THOC1: variants seen among roughly 807,000 people sequenced by gnomAD.
THOC1 encodes the protein THO complex subunit 1.
Under a neutral mutation model 97.3 loss-of-function variants are expected in THOC1, and 29 were observed. The observed-to-expected ratio is 0.30, with a 90% confidence interval of 0.22 to 0.41. The LOEUF is 0.41. THOC1 is among the 10% of genes least tolerant of loss of function. The probability of loss-of-function intolerance (pLI) is 1.00; values close to 1 mark genes in which losing one functional copy is unlikely to be tolerated. For missense variants in THOC1, 529 were observed against 761.9 expected, an observed-to-expected ratio of 0.69 and a Z score of 3.60; for synonymous variants, 255 against 257.0, an observed-to-expected ratio of 0.99 and a Z score of 0.07.
chr18:263,280 C>T (rs1002727984), intron 4 of THOC1, among the ~76,000 whole-genome samples: 1 of 151,840 alleles, frequency 6.6e-6, no homozygotes, highest in African/African-American at 2.4e-5. Flanking sequence ...GGGGTTTCAT[C>T]GTGTTAGCCA....
chr18:224,874 G>T, intron 15 of THOC1, 50 bp downstream of exon 15: 1 of 1,412,534 alleles, frequency 7.1e-7, no homozygotes, highest in Non-Finnish European at 9.8e-7. Flanking sequence ...AGCCTTTCTC[G>T]TCGTTCTTGT....
Position 221,765 on chromosome 18 carries a change from C to CA in THOC1, c.1370+1674dup, listed in dbSNP as rs1911094560. On this transcript the variant is annotated intron_variant, in intron 17 of 20. Transcript: ENST00000261600. ...CTGAGACTACAGGCGCCTGCCACCA[C>CA]ACTTGGCTAATTTTTTGTATTTTTA... Among the ~76,000 whole-genome samples, 12 of 152,188 alleles carry CA rather than the reference C, an allele frequency of 7.9e-5. 1 individual carries two copies. In the South Asian group the frequency reaches 2.5e-3, roughly 32 times the overall value.
chr18:236,671 A>C (rs1209912451), intron 11 of THOC1, among the ~76,000 whole-genome samples: 8 of 152,002 alleles, frequency 5.3e-5, no homozygotes, highest in Non-Finnish European at 1.2e-4. Context: ...CGAAAGAATA[A>C]GATTCTAAGA....
chr18:259,109 A>AGAAAT, intron 7 of THOC1, 71 bp downstream of exon 7: 1 of 1,143,672 alleles, frequency 8.7e-7, no homozygotes, highest in Non-Finnish European at 1.3e-6. Flanking sequence ...CATTATCATG[A>AGAAAT]CAGATTTTAA....
intron 20 of THOC1, 113 bp downstream of exon 20, chr18:215,316 T>G: frequency 2.6e-6 from 2 of 779,628 alleles, no homozygotes; most frequent in Non-Finnish European, 4.3e-6. Context: ...CAGAAACAGT[T>G]GAGATAAAAT....
intron 1 of THOC1, 49 bp downstream of exon 1, chr18:267,917 A>G (rs2143320489): frequency 6.4e-7 from 1 of 1,558,506 alleles, no homozygotes; most frequent in Non-Finnish European, 8.7e-7. Flanking sequence ...GGAGAAGAGG[A>G]CAAAGCATAG....
At chr18:259,606 G>T in intron 6 of THOC1, 76 bp downstream of exon 6, 1 of 1,044,390 alleles carries the variant, frequency 9.6e-7, no homozygotes, top group Non-Finnish European at 1.4e-6. Context: ...GTTATCACTG[G>T]TATTTAATTC....
intron 1 of THOC1, among the ~76,000 whole-genome samples, chr18:266,050 C>T (rs144336623): frequency 6.6e-6 from 1 of 152,306 alleles, no homozygotes; most frequent in African/African-American, 2.4e-5. Context: ...ATCCATTCTC[C>T]CACACCCATG....
chr18:254,360 T>TA lies in THOC1; in HGVS notation c.521-6dup, dbSNP rs761125832. On this transcript the variant is annotated splice_polypyrimidine_tract_variant and splice_region_variant and intron_variant, in intron 7 of 20. Coordinates refer to ENST00000261600, the MANE Select transcript of THOC1 (RefSeq NM_005131.3). The surrounding 1 kb of genome is among the most constrained non-coding windows in gnomAD (Gnocchi z 4.1). ...ACTGACTCTGCAAGTTAAGACCTAG[T>TA]AAAAAAACAAAAAAAAGATGCAAAG... The TA allele has an allele frequency of 3.9e-5, 61 of 1,547,416 alleles. No homozygotes were observed. Among genetic ancestry groups the TA allele is most frequent in the Non-Finnish European group, 4.7e-5 (54 of 1,142,088 alleles).
intron 11 of THOC1, among the ~76,000 whole-genome samples, chr18:227,107 T>C (rs1227071875): frequency 6.6e-6 from 1 of 152,194 alleles, no homozygotes; most frequent in Admixed American, 6.5e-5. Context: ...GACTGTTTTA[T>C]GCCATGACAC....
At chr18:217,049 G>C (rs139834313) in intron 18 of THOC1, among the ~76,000 whole-genome samples, 65 of 152,292 alleles carry the variant, frequency 4.3e-4, no homozygotes, top group African/African-American at 1.5e-3. Context: ...TATACCATCA[G>C]GTGAGAAACA....
At chr18:218,846 T>G (rs766761017) in intron 18 of THOC1, 40 bp downstream of exon 18, 2 of 1,510,196 alleles carry the variant, frequency 1.3e-6, no homozygotes, top group South Asian at 2.4e-5. Context: ...AAGAAACAAA[T>G]TGAAGAAAAT....
intron 11 of THOC1, among the ~76,000 whole-genome samples, chr18:237,741 G>A (rs968831653): frequency 6.6e-6 from 1 of 152,196 alleles, no homozygotes; most frequent in East Asian, 1.9e-4. Flanking sequence ...CTGTACAATA[G>A]TTTTCTACCT....
At chr18:233,830 T>C (rs1052618915) in intron 11 of THOC1, among the ~76,000 whole-genome samples, 1 of 152,202 alleles carries the variant, frequency 6.6e-6, no homozygotes, top group East Asian at 1.9e-4. Context: ...TCCATAGAAA[T>C]AGTAAGACTA....
At chr18:243,331 T>TA (rs2143239107) in intron 11 of THOC1, among the ~76,000 whole-genome samples, 1 of 152,326 alleles carries the variant, frequency 6.6e-6, no homozygotes, top group Admixed American at 6.5e-5. Flanking sequence ...GAGAATGATA[T>TA]AAAAGCATCA....
At chr18:245,507 T>G (rs1402647072) in intron 11 of THOC1, 1 of 152,282 alleles carries the variant, frequency 6.6e-6, no homozygotes, top group Non-Finnish European at 1.5e-5. Flanking sequence ...GCTCACAACT[T>G]CCTATAAAAC....
At chr18:222,100 T>C (rs959166313) in intron 17 of THOC1, among the ~76,000 whole-genome samples, 2 of 152,216 alleles carry the variant, frequency 1.3e-5, no homozygotes, top group Non-Finnish European at 2.9e-5. Flanking sequence ...ATTTAAAAAT[T>C]ACATATTCCA....
chr18:224,813 T>C, intron 15 of THOC1, 111 bp downstream of exon 15: 1 of 842,944 alleles, frequency 1.2e-6, no homozygotes, highest in South Asian at 1.7e-5. Flanking sequence ...TTATGTGAAA[T>C]ATATACATGT....
chr18:224,305 A>G (rs912635261), intron 15 of THOC1, 126 bp from the exon 16 acceptor site: 1 of 718,058 alleles, frequency 1.4e-6, no homozygotes, highest in Non-Finnish European at 2.3e-6. Context: ...CTGGCTGGGC[A>G]TGGTGGCTCA....
Sources: gnomAD v4.1 joint callset for allele counts (sites outside exome capture counted in the v4.1 genomes callset) on GRCh38, gnomAD v4.1.1 for gene constraint, Gnocchi (gnomAD v3.1) non-coding constraint, MANE v1.5 for transcripts, NCBI Gene and HGNC (gene_info 2026-07-23, HGNC 2026-07-21) for gene names.